AGAP5: variants seen among roughly 807,000 people sequenced by gnomAD.
AGAP5 encodes the protein ArfGAP with GTPase domain, ankyrin repeat and PH domain 5.
AGAP5 carries 8 observed loss-of-function variants against 27.7 expected under a neutral mutation model. The ratio of observed to expected loss-of-function variants is 0.29; its 90% CI spans 0.17 to 0.52. The LOEUF (loss-of-function observed/expected upper bound fraction) is 0.52, where lower values mean the gene tolerates loss of function less well. AGAP5 is among the 20% of genes least tolerant of loss of function. The pLI, the probability that AGAP5 is intolerant of heterozygous loss-of-function variation, is 0.97. For synonymous variants in AGAP5, 111 were observed against 338.0 expected (o/e 0.33, Z 7.37); for missense variants, 285 against 880.8 (o/e 0.32, Z 8.56).
At chr10:73,686,296 A>T (rs1180741734) in intron 4 of AGAP5, among the ~76,000 whole-genome samples, 1 of 152,212 alleles carries the variant, frequency 6.6e-6, no homozygotes, top group African/African-American at 2.4e-5. Context: ...CCTAAAACAT[A>T]AAGTGAAGAA....
At chr10:73,689,956 C>G (rs550933458) in intron 4 of AGAP5, among the ~76,000 whole-genome samples, 1 of 150,100 alleles carries the variant, frequency 6.7e-6, no homozygotes. Context: ...CCCCTCTGCC[C>G]GGCCAGCCGC....
At chr10:73,685,401 T>C (rs2082054991) in intron 4 of AGAP5, among the ~76,000 whole-genome samples, 1 of 152,096 alleles carries the variant, frequency 6.6e-6, no homozygotes, top group Admixed American at 6.6e-5. Flanking sequence ...GGATGCTGCA[T>C]TTTGTCAAAT....
At chr10:73,685,224 AAGTGGTGAG>A (rs1241658574) in intron 4 of AGAP5, among the ~76,000 whole-genome samples, 1 of 113,374 alleles carries the variant, frequency 8.8e-6, no homozygotes, top group Non-Finnish European at 1.8e-5. Flanking sequence ...TGTTGAATAC[AAGTGGTGAG>A]AGTGGGCATC....
chr10:73,674,763 G>C lies in AGAP5; in HGVS notation c.1897C>G (p.Arg633Gly). Reference sequence around the variant, plus strand: ...TGTGCCAGGACCACATTCCCCTTGCGGCAGGCCAGATGGAGCGCCGTGCAG... The same window carrying C: ...TGTGCCAGGACCACATTCCCCTTGCCGCAGGCCAGATGGAGCGCCGTGCAG... Reference protein sequence around the residue: ...DGCTALHLACRKGNVVLAQLL... With the variant: ...DGCTALHLACGKGNVVLAQLL... The change falls in exon 8 of 8, where the codon CGC (arginine) becomes GGC (glycine). Residue 633 changes from arginine to glycine, a missense_variant. Transcript: ENST00000374094. 1 of 1,611,988 alleles carries C rather than the reference G, an allele frequency of 6.2e-7. No individual in the cohort carries two copies. Among genetic ancestry groups the C allele is most frequent in the Non-Finnish European group, 8.5e-7 (1 of 1,179,846 alleles).
At position 73,697,923 on chromosome 10, in the gene AGAP5, G is replaced by A. The variant is rs1037854616; in HGVS notation, c.-168C>T. 1.4e-5 allele frequency: 21 copies of A among 1,529,494 alleles called. No homozygotes were observed. The highest frequency in any genetic ancestry group is 2.4e-5 in the East Asian group (1 of 40,824). 94.7% of individuals were successfully genotyped at this position (1,529,494 alleles called of 1,614,324 possible). ...GGGCACCATCCCTGGCCCCGGCCCCGGCCCCGGCTAGGGCTGCGGGTCAAG... is the reference window on the plus strand; with the variant it reads ...GGGCACCATCCCTGGCCCCGGCCCCAGCCCCGGCTAGGGCTGCGGGTCAAG... On this transcript the variant is annotated 5_prime_UTR_variant, in exon 1 of 8. Transcript: ENST00000374094.
chr10:73,675,965 C>T lies in AGAP5; in HGVS notation c.695G>A (p.Ser232Asn). The change falls in exon 8 of 8, where the codon AGT becomes AAT. Residue 232 changes from serine to asparagine, a missense_variant. Coordinates refer to ENST00000374094, the MANE Select transcript of AGAP5 (RefSeq NM_001144000.4). ...GGGTGTGTTGGCAGTGGGAGGAACACTGAACTGAGGGTCCTCCTGGCTGGT... is the reference window on the plus strand; with the variant it reads ...GGGTGTGTTGGCAGTGGGAGGAACATTGAACTGAGGGTCCTCCTGGCTGGT... Reference protein sequence around the residue: ...PSTSQEDPQFSVPPTANTPTP... With the variant: ...PSTSQEDPQFNVPPTANTPTP... The T allele has an allele frequency of 6.2e-7, 1 of 1,612,416 alleles. No individual in the cohort carries two copies. Among genetic ancestry groups the T allele is most frequent in the South Asian group, 1.1e-5 (1 of 90,982 alleles).
At position 73,692,789 on chromosome 10, in the gene AGAP5, C is replaced by T. The variant is rs1276168149; in HGVS notation, c.362-712G>A. 8.6e-5 allele frequency among the ~76,000 whole-genome samples: 13 copies of T among 151,762 alleles called. 1 individual carries two copies. Among genetic ancestry groups the T allele is most frequent in the Admixed American group, 7.2e-4 (11 of 15,232 alleles). On this transcript the variant is annotated intron_variant, in intron 3 of 7. Coordinates refer to ENST00000374094, the MANE Select transcript of AGAP5 (RefSeq NM_001144000.4). The stretch of plus-strand genomic sequence containing the variant: ...TCCTGACTAGCTGGGACTACAGGCA[C>T]GTGCCACCATGCCTAGCTAATTTTT...
intron 4 of AGAP5, among the ~76,000 whole-genome samples, chr10:73,691,173 G>T (rs1228263002): frequency 6.6e-6 from 1 of 152,204 alleles, no homozygotes; most frequent in Non-Finnish European, 1.5e-5. Flanking sequence ...AGAAGATCCA[G>T]AAGAATTGCA....
chr10:73,689,300 C>T (rs1034357448), intron 4 of AGAP5, among the ~76,000 whole-genome samples: 8 of 152,198 alleles, frequency 5.3e-5, no homozygotes, highest in South Asian at 2.1e-4. Context: ...TCAATGGTGC[C>T]CAGGCTGGAG....
chr10:73,690,795 T>C (rs1025440019), intron 4 of AGAP5, among the ~76,000 whole-genome samples: 2 of 151,982 alleles, frequency 1.3e-5, no homozygotes, highest in Non-Finnish European at 2.9e-5. Flanking sequence ...ACACAGGCGA[T>C]CCCACACAAG....
intron 2 of AGAP5, among the ~76,000 whole-genome samples, chr10:73,696,200 T>C (rs2082160497): frequency 6.6e-6 from 1 of 152,110 alleles, no homozygotes; most frequent in Non-Finnish European, 1.5e-5. Flanking sequence ...TTTTTTTTAG[T>C]AGAGACAGCG....
chr10:73,694,276 G>GT (rs1565009839), intron 3 of AGAP5, among the ~76,000 whole-genome samples: 1 of 152,194 alleles, frequency 6.6e-6, no homozygotes, highest in African/African-American at 2.4e-5. Flanking sequence ...AGAGGTCTGC[G>GT]TAAGAGGAGG....
intron 6 of AGAP5, among the ~76,000 whole-genome samples, chr10:73,678,008 A>C (rs927281223): frequency 2.0e-5 from 3 of 152,246 alleles, no homozygotes; most frequent in African/African-American, 4.8e-5. Flanking sequence ...AGTTAATGAG[A>C]AGTGCTTTTT....
intron 6 of AGAP5, among the ~76,000 whole-genome samples, chr10:73,677,903 A>G (rs1307553732): frequency 2.6e-5 from 4 of 152,222 alleles, no homozygotes; most frequent in Admixed American, 1.3e-4. Context: ...CAGGTAAAAA[A>G]CATAGCCTGA....
At chr10:73,691,706 C>T (rs903882965) in intron 4 of AGAP5, among the ~76,000 whole-genome samples, 8 of 152,104 alleles carry the variant, frequency 5.3e-5, no homozygotes, top group Non-Finnish European at 7.4e-5. Context: ...TGGTCAGGGT[C>T]GTCTCAAACT....
At chr10:73,676,348 C>A in intron 7 of AGAP5, among the ~76,000 whole-genome samples, 1 of 133,144 alleles carries the variant, frequency 7.5e-6, no homozygotes, top group African/African-American at 2.7e-5. Flanking sequence ...GGCATGGTGT[C>A]ACATGCCTGT....
intron 3 of AGAP5, among the ~76,000 whole-genome samples, chr10:73,693,179 A>T (rs2082133306): frequency 6.6e-6 from 1 of 152,156 alleles, no homozygotes. Context: ...TACTGCTTCC[A>T]TGCTCTCTAG....
intron 4 of AGAP5, among the ~76,000 whole-genome samples, chr10:73,691,406 T>C (rs1163360318): frequency 6.6e-6 from 1 of 152,094 alleles, no homozygotes; most frequent in East Asian, 1.9e-4. Context: ...CCTGCTGTGA[T>C]AGAAAGTCAA....
chr10:73,689,622 G>A (rs1383752109), intron 4 of AGAP5, among the ~76,000 whole-genome samples: 1 of 151,158 alleles, frequency 6.6e-6, no homozygotes, highest in Non-Finnish European at 1.5e-5. Flanking sequence ...GAGATGTGGG[G>A]AGCGCCTCTG....
Sources: gnomAD v4.1 joint callset for allele counts (sites outside exome capture counted in the v4.1 genomes callset) on GRCh38, gnomAD v4.1.1 for gene constraint, MANE v1.5 for transcripts, NCBI Gene and HGNC (gene_info 2026-07-23, HGNC 2026-07-21) for gene names.